TUBGCP2: variants seen among roughly 807,000 people sequenced by gnomAD.
TUBGCP2 encodes tubulin gamma complex component 2.
In TUBGCP2, 55 loss-of-function variants were observed where a neutral mutation model predicts 92.2. That is an observed-to-expected ratio of 0.60 (90% CI 0.48 to 0.75). The LOEUF (loss-of-function observed/expected upper bound fraction) is 0.75, where lower values mean the gene tolerates loss of function less well. Ranked by LOEUF, TUBGCP2 falls within the 30% of genes least tolerant of loss-of-function variation. TUBGCP2 has a pLI of 0.00. For synonymous variants in TUBGCP2, 533 were observed against 505.2 expected, an observed-to-expected ratio of 1.06 and a Z score of -0.74; for missense variants, 1,093 against 1,188.9, an observed-to-expected ratio of 0.92 and a Z score of 1.19.
At chr10:133,281,129 CAGGGA>C (rs1253658296) in intron 17 of TUBGCP2, 139 bp downstream of exon 17, 10 of 341,764 alleles carry the variant, frequency 2.9e-5, no homozygotes, top group East Asian at 1.1e-4. Flanking sequence ...GACGGCTGAG[CAGGGA>C]CAGCACTGGG....
chr10:133,282,268 C>G lies in TUBGCP2; in HGVS notation c.2364G>C (p.Leu788=). 6.2e-7 allele frequency: 1 copy of G among 1,611,584 alleles called. No homozygotes were observed. The highest frequency in any genetic ancestry group is 2.2e-5 in the East Asian group (1 of 44,828). The part of the protein sequence containing the change: ...QTLEHSTVLG[L]PAGAEERARK... ...GGGCCCGCTCCTCGGCCCCTGCGGG[C>G]AGCCCCAGGACGGTGCTGTGCTCCA... The change falls in exon 16 of 18, where the codon CTG becomes CTC. Residue 788 remains leucine (L), a synonymous_variant. Transcript: ENST00000252936.
At chr10:133,296,481 T>G (rs1364767746) in intron 5 of TUBGCP2, among the ~76,000 whole-genome samples, 1 of 151,742 alleles carries the variant, frequency 6.6e-6, no homozygotes, top group Non-Finnish European at 1.5e-5. Flanking sequence ...CAGACTGCTT[T>G]GTTTTTTTTT....
chr10:133,283,256 A>G (rs1320544221), intron 14 of TUBGCP2, 35 bp from the exon 15 acceptor site: 2 of 1,612,610 alleles, frequency 1.2e-6, no homozygotes, highest in Non-Finnish European at 8.5e-7. Context: ...TCTCAGAAAG[A>G]CGTGGCTGAC....
chr10:133,282,352 G>GA lies in TUBGCP2; in HGVS notation c.2290-11dup, dbSNP rs757202826. The GA allele has an allele frequency of 5.1e-6, 8 of 1,580,758 alleles. No individual in the cohort carries two copies. In the Admixed American group the frequency reaches 1.1e-4, roughly 22 times the overall value. On this transcript the variant is annotated splice_polypyrimidine_tract_variant and intron_variant, in intron 15 of 17. Transcript: ENST00000252936. ...TGCTCTGTGTAAATTTCTAGGGGGGGAGAGTCGCAAGGAAATGCTTCTGTT... is the reference window on the plus strand; with the variant it reads ...TGCTCTGTGTAAATTTCTAGGGGGGGAAGAGTCGCAAGGAAATGCTTCTGTT...
upstream of TUBGCP2, chr10:133,311,909 A>G (rs780221193): frequency 6.2e-7 from 1 of 1,613,056 alleles, no homozygotes. Context: ...TCTGGGCTGC[A>G]CCTGGGCCGC....
At chr10:133,283,574 G>A (rs1847043515) in intron 14 of TUBGCP2, among the ~76,000 whole-genome samples, 1 of 152,224 alleles carries the variant, frequency 6.6e-6, no homozygotes, top group South Asian at 2.1e-4. Flanking sequence ...AGGCAGCAAG[G>A]GGTCCCGTGT....
chr10:133,298,794 C>T (rs941540301), intron 4 of TUBGCP2, among the ~76,000 whole-genome samples: 10 of 152,240 alleles, frequency 6.6e-5, no homozygotes, highest in African/African-American at 2.4e-4. Context: ...GCACCATGTC[C>T]AGCACAGAAC....
At chr10:133,310,538 T>C, upstream of TUBGCP2, 1 of 531,028 alleles carries the variant, frequency 1.9e-6, no homozygotes, top group Non-Finnish European at 3.4e-6. Flanking sequence ...GCAGAGGGGG[T>C]GTGGGAATGA....
chr10:133,289,972 A>C lies in TUBGCP2; in HGVS notation c.1215-3T>G, dbSNP rs766551476. On this transcript the variant is annotated splice_polypyrimidine_tract_variant and splice_region_variant and intron_variant, in intron 8 of 17. Coordinates refer to ENST00000252936, the MANE Select transcript of TUBGCP2 (RefSeq NM_006659.4). Reference sequence around the variant, plus strand: ...CGTGCTCCTCGACCATAAACTCACTAAAACCACAGGGAGCGCTTCGGTCAC... The same window carrying C: ...CGTGCTCCTCGACCATAAACTCACTCAAACCACAGGGAGCGCTTCGGTCAC... 6.2e-7 allele frequency: 1 copy of C among 1,612,900 alleles called. No homozygotes were observed. Among genetic ancestry groups the C allele is most frequent in the South Asian group, 1.1e-5 (1 of 91,060 alleles).
chr10:133,283,491 C>T (rs1193982746), intron 14 of TUBGCP2, among the ~76,000 whole-genome samples: 1 of 152,264 alleles, frequency 6.6e-6, no homozygotes, highest in Non-Finnish European at 1.5e-5. Context: ...CCTTCAGGCC[C>T]CTCAGCCTCA....
rs1326129312 is a variant in TUBGCP2 at position 133,300,096 on chromosome 10, A to G, written c.168T>C (p.Phe56=). 6.2e-6 allele frequency: 10 copies of G among 1,613,794 alleles called. No individual in the cohort carries two copies. Among genetic ancestry groups the G allele is most frequent in the Non-Finnish European group, 8.5e-6 (10 of 1,179,810 alleles). The change falls in exon 3 of 18, where the codon TTT becomes TTC. Residue 56 remains phenylalanine, a synonymous_variant. Coordinates refer to ENST00000252936, the MANE Select transcript of TUBGCP2 (RefSeq NM_006659.4). ...AHSAKVKIAE[F]SRTPEDFLKK... is the part of the protein sequence containing the mutation. The stretch of plus-strand genomic sequence containing the variant: ...TTAGAAAGTCTTCTGGAGTACGAGA[A>G]AACTCTGCAATTTTAACCTCAAAAG...
intron 8 of TUBGCP2, among the ~76,000 whole-genome samples, chr10:133,292,205 C>CT (rs374164806): frequency 0.019 from 3 of 162 alleles, no homozygotes; most frequent in East Asian, 0.17. Flanking sequence ...CTCCGTGTCC[C>CT]CCATGTCCCC....
At position 133,293,214 on chromosome 10, in the gene TUBGCP2, G is replaced by T. The variant is rs3008344; in HGVS notation, c.849C>A (p.Phe283Leu). 2 of 1,613,596 alleles carry T rather than the reference G, an allele frequency of 1.2e-6. No homozygotes were observed. Among genetic ancestry groups the T allele is most frequent in the Non-Finnish European group, 1.7e-6 (2 of 1,180,024 alleles). The change falls in exon 7 of 18, where the codon TTC becomes TTA. Residue 283 changes from phenylalanine (F) to leucine (L), a missense_variant. Around this residue, in one of 3 missense-constraint regions of TUBGCP2, gnomAD observed 490 missense variants for 488.5 expected, o/e 1.00. Transcript: ENST00000252936. ...VTRFIEEKSS[F>L]EYGQVNHALA... ...GGGCGTGGTTCACCTGCCCGTACTC[G>T]AAGGAAGACTTCTCTTCAATGAACC...
At chr10:133,289,637 A>G (rs538572460) in intron 9 of TUBGCP2, among the ~76,000 whole-genome samples, 187 bp downstream of exon 9, 28 of 152,322 alleles carry the variant, frequency 1.8e-4, no homozygotes, top group African/African-American at 6.3e-4. Flanking sequence ...GACCATCTCA[A>G]GGCCTAACTC....
upstream of TUBGCP2, chr10:133,310,038 G>A: frequency 6.2e-7 from 1 of 1,609,384 alleles, no homozygotes; most frequent in Non-Finnish European, 8.5e-7. Flanking sequence ...TCAGAGTGCT[G>A]CCCCCAGCTC....
Position 133,279,807 on chromosome 10 carries a change from G to T in TUBGCP2, c.2668C>A (p.Pro890Thr). 1.9e-6 allele frequency: 3 copies of T among 1,577,266 alleles called. No individual in the cohort carries two copies. Among genetic ancestry groups the T allele is most frequent in the East Asian group, 2.4e-5 (1 of 42,530 alleles). The change falls in exon 18 of 18, where the codon CCC becomes ACC. Residue 890 changes from proline (P) to threonine (T), a missense_variant. By Grantham distance (38) the Pro-to-Thr change is conservative. Around this residue, in one of 3 missense-constraint regions of TUBGCP2, gnomAD observed 598 missense variants for 675.5 expected, o/e 0.89. Transcript: ENST00000252936. ...ATPQVPVLRGPPAPAPRVAVT... is the reference protein window; with the variant it reads ...ATPQVPVLRGTPAPAPRVAVT... ...GCGACCCTGGGTGCAGGAGCCGGGG[G>T]CCCCCGCAGGACAGGCACTTGGGGG... is the stretch of plus-strand genomic sequence containing the variant.
upstream of TUBGCP2, chr10:133,309,784 C>T (rs746249082): frequency 1.8e-5 from 29 of 1,612,996 alleles, no homozygotes; most frequent in Non-Finnish European, 2.4e-5. Context: ...AGGGTGCCCG[C>T]GTTTGCCTGC....
In TUBGCP2 at chr10:133,293,631, AGG is replaced by A; in HGVS notation, c.753_754del (p.Leu252GlyfsTer26). 1.9e-6 allele frequency: 3 copies of A among 1,574,558 alleles called. No homozygotes were observed. The highest frequency in any genetic ancestry group is 2.6e-6 in the Non-Finnish European group (3 of 1,160,336). ...CACCAGCTCCCTGATGGACAGGTCC[AGG>A]TTGGGGTCCACGAGGAAGGTCCGGC... On this transcript the variant is annotated frameshift_variant, in exon 6 of 18. Transcript: ENST00000252936. LOFTEE classifies it high-confidence loss of function.
chr10:133,288,029 G>C (rs551749544), intron 11 of TUBGCP2, 100 bp downstream of exon 11: 3 of 1,434,288 alleles, frequency 2.1e-6, no homozygotes, highest in Non-Finnish European at 2.8e-6. Context: ...TCGCCTCACC[G>C]GGACGGGGAG....
Sources: gnomAD v4.1 joint callset for allele counts (sites outside exome capture counted in the v4.1 genomes callset) on GRCh38, gnomAD v4.1.1 for gene constraint, gnomAD v4.1.1 regional missense constraint, MANE v1.5 for transcripts, NCBI Gene and HGNC (gene_info 2026-07-23, HGNC 2026-07-21) for gene names.